Variants in SOX5 observed in about 807,000 individuals in gnomAD.
SOX5 encodes the protein SRY-box transcription factor 5, also known as transcription factor SOX-5.
Under a neutral mutation model 92.0 loss-of-function variants are expected in SOX5, and 9 were observed. The ratio of observed to expected loss-of-function variants is 0.10; its 90% confidence interval spans 0.06 to 0.17. SOX5 has a LOEUF of 0.17. SOX5 is among the 10% of genes least tolerant of loss of function. SOX5 has a pLI of 1.00. For missense variants in SOX5, 642 were observed against 944.5 expected (o/e 0.68, Z 4.20); for synonymous variants, 344 against 336.3 (o/e 1.02, Z -0.25).
At chr12:24,207,866 C>G (rs778103415) in intron 4 of SOX5, among the ~76,000 whole-genome samples, 4 of 152,126 alleles carry the variant, frequency 2.6e-5, no homozygotes, top group Non-Finnish European at 5.9e-5. Flanking sequence ...GTGCCATGTT[C>G]CAGAATCTCC....
intron 1 of SOX5, among the ~76,000 whole-genome samples, chr12:24,382,028 C>A (rs1957876250): frequency 6.6e-6 from 1 of 152,190 alleles, no homozygotes; most frequent in Non-Finnish European, 1.5e-5. Flanking sequence ...GAGGAACTAT[C>A]CTGGGCTCTA....
At chr12:23,878,734 T>A (rs1310291562) in intron 2 of SOX5, among the ~76,000 whole-genome samples, 1 of 152,154 alleles carries the variant, frequency 6.6e-6, no homozygotes, top group Non-Finnish European at 1.5e-5. Context: ...TTCATATTTT[T>A]TATTCTCTCT....
intron 2 of SOX5, among the ~76,000 whole-genome samples, chr12:23,850,703 T>C (rs938841263): frequency 6.6e-6 from 1 of 152,136 alleles, no homozygotes; most frequent in Non-Finnish European, 1.5e-5. Context: ...CTTTCAATTA[T>C]TTCTCAGGTT....
intron 4 of SOX5, among the ~76,000 whole-genome samples, chr12:24,082,041 G>T (rs1175035786): frequency 2.0e-5 from 3 of 151,822 alleles, no homozygotes; most frequent in South Asian, 2.1e-4. Context: ...ATTTAATTTT[G>T]TTGTTGTTGT....
intron 4 of SOX5, among the ~76,000 whole-genome samples, chr12:24,129,553 C>CCA (rs1414320181): frequency 1.3e-5 from 2 of 152,154 alleles, no homozygotes; most frequent in Non-Finnish European, 2.9e-5. Context: ...GAGGTCTTCT[C>CCA]TGGATATTTT....
intron 2 of SOX5, among the ~76,000 whole-genome samples, chr12:24,308,060 C>G (rs1242421398): frequency 6.6e-6 from 1 of 152,050 alleles, no homozygotes; most frequent in Admixed American, 6.6e-5. Flanking sequence ...TAAGCAGCTT[C>G]CCGATAAGAT....
At chr12:23,558,203 C>G (rs532176392) in intron 11 of SOX5, among the ~76,000 whole-genome samples, 4 of 152,080 alleles carry the variant, frequency 2.6e-5, no homozygotes, top group Admixed American at 2.6e-4. Flanking sequence ...TGAAGATATC[C>G]CCTGATCTCA....
intron 4 of SOX5, among the ~76,000 whole-genome samples, chr12:23,988,608 T>G (rs1368235611): frequency 6.6e-6 from 1 of 152,164 alleles, no homozygotes; most frequent in Non-Finnish European, 1.5e-5. Context: ...TTAATATGAT[T>G]GTATTATTTC....
chr12:24,161,156 T>C (rs1338927605), intron 4 of SOX5, among the ~76,000 whole-genome samples: 1 of 152,152 alleles, frequency 6.6e-6, no homozygotes, highest in African/African-American at 2.4e-5. Flanking sequence ...AAGGCAGTGG[T>C]AGACTTCTAC....
At chr12:23,866,841 T>C (rs995990873) in intron 2 of SOX5, among the ~76,000 whole-genome samples, 6 of 152,184 alleles carry the variant, frequency 3.9e-5, no homozygotes, top group African/African-American at 1.4e-4. Context: ...TTCTTTCTAA[T>C]TTCCCTTTTG....
chr12:23,891,280 G>A (rs1375060637), intron 2 of SOX5, among the ~76,000 whole-genome samples: 2 of 152,152 alleles, frequency 1.3e-5, no homozygotes, highest in African/African-American at 4.8e-5. Context: ...CAGAAAGGAA[G>A]AATTACATCT....
chr12:24,327,261 G>A (rs1950802362), intron 2 of SOX5, among the ~76,000 whole-genome samples: 1 of 151,886 alleles, frequency 6.6e-6, no homozygotes, highest in Non-Finnish European at 1.5e-5. Flanking sequence ...ACTAACTTAA[G>A]ATTTATCTTG....
At chr12:23,734,623 G>C in intron 6 of SOX5, 61 bp downstream of exon 6, 1 of 1,255,962 alleles carries the variant, frequency 8.0e-7, no homozygotes, top group Non-Finnish European at 1.1e-6. Context: ...AGGTATTTAA[G>C]GATAAGAAAC....
chr12:23,889,712 G>A (rs550231659), intron 2 of SOX5, among the ~76,000 whole-genome samples: 2 of 152,194 alleles, frequency 1.3e-5, no homozygotes, highest in East Asian at 1.9e-4. Context: ...TTAAAAGACA[G>A]TTTTTTCTTC....
intron 2 of SOX5, among the ~76,000 whole-genome samples, chr12:23,880,693 C>T (rs2096979017): frequency 6.6e-6 from 1 of 152,164 alleles, no homozygotes; most frequent in Non-Finnish European, 1.5e-5. Flanking sequence ...AACCCCCTTT[C>T]TAGTTTTCTT....
At chr12:24,400,988 CAG>C (rs1961396748) in intron 1 of SOX5, among the ~76,000 whole-genome samples, 1 of 152,150 alleles carries the variant, frequency 6.6e-6, no homozygotes, top group Admixed American at 6.5e-5. Flanking sequence ...AATTTGGTGA[CAG>C]AGACATTAAC....
intron 1 of SOX5, among the ~76,000 whole-genome samples, chr12:24,402,100 G>T (rs958163178): frequency 4.6e-5 from 7 of 151,984 alleles, no homozygotes; most frequent in Admixed American, 6.6e-5. Context: ...AAAATGAGGA[G>T]GTGCCATTTT....
intron 1 of SOX5, among the ~76,000 whole-genome samples, chr12:24,454,059 G>T (rs1439490681): frequency 6.6e-6 from 1 of 152,152 alleles, no homozygotes; most frequent in African/African-American, 2.4e-5. Context: ...TAAAAGCAAT[G>T]GTAGAGAGGG....
chr12:24,233,772 G>A (rs1963894172), intron 3 of SOX5, among the ~76,000 whole-genome samples: 1 of 152,236 alleles, frequency 6.6e-6, no homozygotes, highest in Non-Finnish European at 1.5e-5. Context: ...GAAGACCTAT[G>A]TGCATATTTG....
Sources: gnomAD v4.1 joint callset for allele counts (sites outside exome capture counted in the v4.1 genomes callset) on GRCh38, gnomAD v4.1.1 for gene constraint, MANE v1.5 for transcripts, NCBI Gene and HGNC (gene_info 2026-07-23, HGNC 2026-07-21) for gene names.